TRAK2: variants seen among roughly 807,000 people sequenced by gnomAD.
TRAK2 encodes trafficking kinesin protein 2.
In TRAK2, 81 loss-of-function variants were observed where a neutral mutation model predicts 104.6. That is an observed-to-expected ratio of 0.77 (90% CI 0.65 to 0.93). The LOEUF (loss-of-function observed/expected upper bound fraction) is 0.93. TRAK2 is among the 40% of genes least tolerant of loss of function. The pLI, the probability that TRAK2 is intolerant of heterozygous loss-of-function variation, is 0.00. For synonymous variants in TRAK2, 406 were observed against 394.4 expected, an observed-to-expected ratio of 1.03 and a Z score of -0.35; for missense variants, 1,002 against 1,089.0, an observed-to-expected ratio of 0.92 and a Z score of 1.12.
chr2:201,438,844 G>C (rs1951898579), intron 1 of TRAK2, among the ~76,000 whole-genome samples: 1 of 152,192 alleles, frequency 6.6e-6, no homozygotes, highest in South Asian at 2.1e-4. Flanking sequence ...AGAATAATCT[G>C]TGTGTGTGTT....
chr2:201,398,154 A>G lies in TRAK2; in HGVS notation c.681T>C (p.Leu227=). Residue 227 remains leucine, a synonymous_variant, in exon 6 of 16, where the codon CTT becomes CTC. Coordinates refer to ENST00000332624, the MANE Select transcript of TRAK2 (RefSeq NM_015049.3). ...ATTAGGTTGAACGTACCTTGGATCG[A>G]AGAGCCATATTCTCTTCTTCCAGTT... ...LKELEEENMA[L]RSKACHIKTE... 1.9e-6 allele frequency: 3 copies of G among 1,613,516 alleles called. No individual in the cohort carries two copies. The highest frequency in any genetic ancestry group is 1.7e-6 in the Non-Finnish European group (2 of 1,179,516).
At chr2:201,410,846 T>C (rs535063295) in intron 2 of TRAK2, 12 of 1,600,904 alleles carry the variant, frequency 7.5e-6, no homozygotes, top group Admixed American at 1.7e-5. Context: ...CTTTGTTGGG[T>C]TGGCTTCGCA....
rs1250144790 is a variant in TRAK2 at position 201,377,225 on chromosome 2, A to C, written c.*3318T>G. On this transcript the variant is annotated 3_prime_UTR_variant, in exon 16 of 16. Transcript: ENST00000332624. ...AGACAAATGAAAATTCAAGCTACTC[A>C]TGTTTATTAACTGATCTACATTTGA... 1 of 152,230 alleles carries C rather than the reference A, an allele frequency of 6.6e-6. No homozygotes were observed. The highest frequency in any genetic ancestry group is 1.5e-5 in the Non-Finnish European group (1 of 68,052). 9.4% of individuals were successfully genotyped at this position (152,230 alleles called of 1,614,324 possible).
rs1452621356 is a variant in TRAK2 at position 201,392,189 on chromosome 2, C to T, written c.1113+720G>A. Among the ~76,000 whole-genome samples, 6 of 152,236 alleles carry T rather than the reference C, an allele frequency of 3.9e-5. No homozygotes were observed. The South Asian group carries it at 1.0e-3, about 26-fold the overall frequency. ...GGCAAAAGCAATAATATGTTAAAAA[C>T]TGAAGAATCGATGTGAGGGATATAC... On this transcript the variant is annotated intron_variant, in intron 10 of 15. Coordinates refer to ENST00000332624, the MANE Select transcript of TRAK2 (RefSeq NM_015049.3).
At position 201,407,514 on chromosome 2, in the gene TRAK2, C is replaced by T. The variant is rs1175598790; in HGVS notation, c.175G>A (p.Asp59Asn). 6.2e-7 allele frequency: 1 copy of T among 1,614,102 alleles called. No individual in the cohort carries two copies. Among genetic ancestry groups the T allele is most frequent in the Non-Finnish European group, 8.5e-7 (1 of 1,179,992 alleles). Residue 59 changes from aspartate (D) to asparagine (N), a missense_variant, in exon 3 of 16, where the codon GAC becomes AAC. By Grantham distance (23) the Asp-to-Asn change is conservative (BLOSUM62 1). Coordinates refer to ENST00000332624, the MANE Select transcript of TRAK2 (RefSeq NM_015049.3). The part of the protein sequence containing the change: ...EQLPQYRLKV[D>N]TLFLYENQDW... Reference sequence around the variant, plus strand: ...TGATTTTCATATAGAAAGAGAGTGTCTACTTTTAGCCTATACTGTGGTAGT... The same window carrying T: ...TGATTTTCATATAGAAAGAGAGTGTTTACTTTTAGCCTATACTGTGGTAGT...
chr2:201,407,762 T>TA (rs1951608350), intron 2 of TRAK2, among the ~76,000 whole-genome samples, 165 bp from the exon 3 acceptor site: 1 of 151,550 alleles, frequency 6.6e-6, no homozygotes, highest in Non-Finnish European at 1.5e-5. Context: ...TAGTATAGTT[T>TA]TTTTTTCTCC....
rs1405995110 is a variant in TRAK2, at chr2:201,379,984, T to C, written c.*559A>G. 6.5e-6 allele frequency: 1 copy of C among 153,218 alleles called. No homozygotes were observed. The highest frequency in any genetic ancestry group is 2.4e-5 in the African/African-American group (1 of 41,438). 9.5% of individuals were successfully genotyped at this position (153,218 alleles called of 1,614,324 possible). ...GATTCAATGAAAAAGATGAAACTCCTAATTTTGCTAATGCTGCGAGCATAC... is the reference window on the plus strand; with the variant it reads ...GATTCAATGAAAAAGATGAAACTCCCAATTTTGCTAATGCTGCGAGCATAC... On this transcript the variant is annotated 3_prime_UTR_variant, in exon 16 of 16. Coordinates refer to ENST00000332624, the MANE Select transcript of TRAK2 (RefSeq NM_015049.3).
At chr2:201,416,198 G>A (rs1326186246) in intron 2 of TRAK2, among the ~76,000 whole-genome samples, 2 of 138,320 alleles carry the variant, frequency 1.4e-5, no homozygotes, top group African/African-American at 2.7e-5. Context: ...GACCAGCTTG[G>A]CAACATAGTG....
chr2:201,428,382 C>T (rs1951808790), intron 1 of TRAK2, among the ~76,000 whole-genome samples: 1 of 152,224 alleles, frequency 6.6e-6, no homozygotes, highest in African/African-American at 2.4e-5. Context: ...CAGCTTTCTA[C>T]ATATGGCTAG....
intron 1 of TRAK2, among the ~76,000 whole-genome samples, chr2:201,448,262 TAC>T (rs1399024841): frequency 6.6e-6 from 1 of 152,238 alleles, no homozygotes; most frequent in African/African-American, 2.4e-5. Context: ...AATGTTAGAT[TAC>T]AGATTTTGAT....
intron 15 of TRAK2, 36 bp downstream of exon 15, chr2:201,384,075 A>G (rs752929157): frequency 3.0e-6 from 4 of 1,338,544 alleles, no homozygotes; most frequent in Non-Finnish European, 4.2e-6. Flanking sequence ...TAGCTGAGGA[A>G]AGAAGTGAGG....
intron 2 of TRAK2, chr2:201,411,733 A>C: frequency 1.3e-6 from 1 of 780,686 alleles, no homozygotes; most frequent in Non-Finnish European, 2.4e-6. Context: ...TGTTGTAAGA[A>C]GGGTAGGATA....
At chr2:201,446,784 T>TA in intron 1 of TRAK2, among the ~76,000 whole-genome samples, 1 of 152,244 alleles carries the variant, frequency 6.6e-6, no homozygotes, top group Non-Finnish European at 1.5e-5. Context: ...GTCAGCACCA[T>TA]AAAAGTGTCT....
At chr2:201,413,078 T>G in intron 2 of TRAK2, 1 of 891,774 alleles carries the variant, frequency 1.1e-6, no homozygotes. Flanking sequence ...TATTTGATCC[T>G]TTTCAAATTT....
intron 3 of TRAK2, among the ~76,000 whole-genome samples, chr2:201,401,827 A>G (rs1237382124): frequency 6.6e-6 from 1 of 152,122 alleles, no homozygotes; most frequent in Non-Finnish European, 1.5e-5. Context: ...CAATGATTCC[A>G]GTCACACTAA....
At chr2:201,389,956 T>C (rs1951430926) in intron 10 of TRAK2, 76 bp from the exon 11 acceptor site, 1 of 1,153,100 alleles carries the variant, frequency 8.7e-7, no homozygotes, top group Non-Finnish European at 1.2e-6. Flanking sequence ...CCTATACTTT[T>C]GGTTTTATAA....
chr2:201,410,362 T>G (rs553924807), intron 2 of TRAK2, among the ~76,000 whole-genome samples: 7 of 151,324 alleles, frequency 4.6e-5, no homozygotes, highest in African/African-American at 1.7e-4. Flanking sequence ...AAATCCTCAG[T>G]GCTTTAAAAA....
intron 2 of TRAK2, chr2:201,410,543 C>T: frequency 8.8e-7 from 1 of 1,133,806 alleles, no homozygotes; most frequent in Non-Finnish European, 1.3e-6. Context: ...AAATAGACAC[C>T]TCACCCAAAA....
intron 2 of TRAK2, chr2:201,419,468 C>G (rs1951721345): frequency 6.5e-6 from 1 of 153,566 alleles, no homozygotes; most frequent in Non-Finnish European, 1.5e-5. Context: ...AGAAGGCAGA[C>G]ACAAAAGACA....
Sources: allele counts gnomAD v4.1 joint callset (sites outside exome capture counted in the v4.1 genomes callset), GRCh38; gene constraint gnomAD v4.1.1; transcripts MANE v1.5; gene names NCBI Gene and HGNC (gene_info 2026-07-23, HGNC 2026-07-21).